The following TENM3 variants were observed in gnomAD, a reference collection of about 807,000 sequenced individuals.
TENM3 encodes the protein teneurin-3.
TENM3 carries 63 observed loss-of-function variants against 255.1 expected under a neutral mutation model. The ratio of observed to expected loss-of-function variants is 0.25; its 90% CI spans 0.20 to 0.30. TENM3 has a LOEUF of 0.30. TENM3 is among the 10% of genes least tolerant of loss of function. The pLI is 1.00. For synonymous variants in TENM3, 1,306 were observed against 1,322.3 expected, an observed-to-expected ratio of 0.99 and a Z score of 0.27; for missense variants, 2,929 against 3,461.1, an observed-to-expected ratio of 0.85 and a Z score of 3.86.
the TENM3 span, among the ~76,000 whole-genome samples, chr4:182,011,356 C>T: frequency 6.6e-6 from 1 of 152,160 alleles, no homozygotes; most frequent in Non-Finnish European, 1.5e-5. Context: ...TTCCCATATC[C>T]AGATCCACTT....
chr4:181,458,821 A>T, the TENM3 span, among the ~76,000 whole-genome samples: 89 of 152,084 alleles, frequency 5.9e-4, no homozygotes, highest in African/African-American at 2.0e-3. Context: ...TTTAAGTTGT[A>T]ATCAATTCCC....
At chr4:181,667,954 T>C in the TENM3 span, among the ~76,000 whole-genome samples, 3 of 152,324 alleles carry the variant, frequency 2.0e-5, no homozygotes, top group South Asian at 2.1e-4. Context: ...TGGTCTTATA[T>C]AGAGAGCTTC....
the TENM3 span, among the ~76,000 whole-genome samples, chr4:181,922,515 T>C: frequency 6.6e-6 from 1 of 152,158 alleles, no homozygotes; most frequent in Non-Finnish European, 1.5e-5. Context: ...TTCTAGTTTA[T>C]TTGCGTAGAG....
At chr4:181,762,037 A>T in the TENM3 span, among the ~76,000 whole-genome samples, 22 of 152,188 alleles carry the variant, frequency 1.4e-4, no homozygotes, top group Non-Finnish European at 3.1e-4. Flanking sequence ...CTCACAAGCA[A>T]TTCTTGTTTA....
chr4:182,800,325 C>T lies in TENM3; in HGVS notation c.8074C>T (p.Arg2692Trp), dbSNP rs759624207. The stretch of plus-strand genomic sequence containing the variant: ...CAGCGCCAACAACATCCAGTTCCTG[C>T]GGCAGAGCGAGATCGGCAGGAGGTA... ...ADSANNIQFL[R>W]QSEIGRR Residue 2692 changes from arginine to tryptophan, a missense_variant, in exon 28 of 28, where the codon CGG becomes TGG. Coordinates refer to ENST00000511685, the MANE Select transcript of TENM3 (RefSeq NM_001080477.4). The T allele has an allele frequency of 6.3e-7, 1 of 1,590,446 alleles. No homozygotes were observed. The highest frequency in any genetic ancestry group is 1.1e-5 in the South Asian group (1 of 89,306).
At chr4:182,607,351 C>CT (rs747549713) in intron 4 of TENM3, among the ~76,000 whole-genome samples, 28 of 152,080 alleles carry the variant, frequency 1.8e-4, no homozygotes, top group Non-Finnish European at 3.7e-4. Flanking sequence ...ATTAAAATCT[C>CT]TTAGTTTTCT....
the TENM3 span, among the ~76,000 whole-genome samples, chr4:181,684,590 A>G: frequency 6.6e-6 from 1 of 152,210 alleles, no homozygotes; most frequent in Non-Finnish European, 1.5e-5. Context: ...CAAGAGCTGG[A>G]TTGAACCACG....
Position 182,793,661 on chromosome 4 carries a change from T to C in TENM3, c.6989T>C (p.Ile2330Thr). ...AYGEIYFDSN[I>T]DFQLVIGFHG... ...GGGGAAATCTATTTTGACTCTAATA[T>C]TGACTTTCAACTGGTAATTGGATTT... is the stretch of plus-strand genomic sequence containing the variant. The change falls in exon 26 of 28, where the codon ATT becomes ACT. Residue 2330 changes from isoleucine (I) to threonine (T), a missense_variant. Physicochemically the swap from Ile to Thr is moderately conservative, Grantham distance 89. This residue lies in a region of TENM3 where 256 missense variants were observed against 389.3 expected (regional missense o/e 0.66). Transcript: ENST00000511685. The surrounding 1 kb of genome is among the most constrained non-coding windows in gnomAD (Gnocchi z 5.7). 3 of 1,614,026 alleles carry C rather than the reference T, an allele frequency of 1.9e-6. No homozygotes were observed. Among genetic ancestry groups the C allele is most frequent in the Admixed American group, 1.7e-5 (1 of 60,032 alleles).
chr4:182,264,234 A>T (rs1759079408), intron 1 of TENM3, among the ~76,000 whole-genome samples: 3 of 152,198 alleles, frequency 2.0e-5, no homozygotes, highest in South Asian at 4.1e-4. Context: ...TGTTGAGGGT[A>T]CTTCAGGATG....
intron 1 of TENM3, among the ~76,000 whole-genome samples, chr4:182,152,044 G>C (rs953643297): frequency 2.6e-5 from 4 of 151,982 alleles, no homozygotes; most frequent in African/African-American, 9.7e-5. Context: ...TAACTGAAAT[G>C]TTATTCCTCA....
the TENM3 span, among the ~76,000 whole-genome samples, chr4:182,064,379 T>C: frequency 6.6e-6 from 1 of 151,812 alleles, no homozygotes; most frequent in Non-Finnish European, 1.5e-5. Flanking sequence ...GAGATCCAGA[T>C]CATCCTGGCT....
intron 1 of TENM3, among the ~76,000 whole-genome samples, chr4:182,265,481 T>C (rs1392249835): frequency 1.3e-5 from 2 of 152,188 alleles, no homozygotes; most frequent in Non-Finnish European, 2.9e-5. Context: ...TCTCCCGTAG[T>C]GTTTCCCTCC....
the TENM3 span, among the ~76,000 whole-genome samples, chr4:181,863,261 A>G: frequency 6.6e-6 from 1 of 152,166 alleles, no homozygotes; most frequent in East Asian, 1.9e-4. Flanking sequence ...CCCAACATTC[A>G]TACTTCTTCA....
chr4:182,755,857 C>T (rs762334265), intron 22 of TENM3, among the ~76,000 whole-genome samples: 2 of 152,070 alleles, frequency 1.3e-5, no homozygotes. Flanking sequence ...AAAAAAGATA[C>T]CTCTTTCTGA....
chr4:182,249,214 C>G (rs944051821), intron 1 of TENM3, among the ~76,000 whole-genome samples: 1 of 152,098 alleles, frequency 6.6e-6, no homozygotes, highest in East Asian at 1.9e-4. Flanking sequence ...ACCTGGGTCG[C>G]GCAGCCAGAT....
intron 3 of TENM3, among the ~76,000 whole-genome samples, chr4:182,554,395 A>T (rs1742379014): frequency 6.6e-6 from 1 of 152,208 alleles, no homozygotes; most frequent in African/African-American, 2.4e-5. Context: ...GTGATTGAAC[A>T]ATTAGTTGAA....
In TENM3 at chr4:182,796,630, CT is replaced by C. The variant is rs1766512667; in HGVS notation, c.7214-6del. 6.2e-7 allele frequency: 1 copy of C among 1,600,866 alleles called. No individual in the cohort carries two copies. The highest frequency in any genetic ancestry group is 8.5e-7 in the Non-Finnish European group (1 of 1,174,226). On this transcript the variant is annotated splice_polypyrimidine_tract_variant and splice_region_variant and intron_variant, in intron 26 of 27. Transcript: ENST00000511685. ...AACACCTTTCATTCTGAACATTCTTCTCCTAGATGTTAACAGCTGGCTGGTG... is the reference window on the plus strand; with the variant it reads ...AACACCTTTCATTCTGAACATTCTTCCCTAGATGTTAACAGCTGGCTGGTG...
At chr4:181,825,381 A>G in the TENM3 span, among the ~76,000 whole-genome samples, 45 of 120,798 alleles carry the variant, frequency 3.7e-4, no homozygotes, top group Admixed American at 1.1e-3. Flanking sequence ...AGCCTGGGTG[A>G]TAGAGTGAGA....
the TENM3 span, among the ~76,000 whole-genome samples, chr4:181,773,697 T>G: frequency 6.6e-6 from 1 of 152,234 alleles, no homozygotes; most frequent in Admixed American, 6.5e-5. Flanking sequence ...AGGTCTGTTG[T>G]GTTTAAAATT....
Sources: gnomAD v4.1 joint callset for allele counts (sites outside exome capture counted in the v4.1 genomes callset) on GRCh38, gnomAD v4.1.1 for gene constraint, gnomAD v4.1.1 regional missense constraint, Gnocchi (gnomAD v3.1) non-coding constraint, MANE v1.5 for transcripts, NCBI Gene and HGNC (gene_info 2026-07-23, HGNC 2026-07-21) for gene names.